PCDHGA2: variants seen among roughly 807,000 people sequenced by gnomAD.
The protein encoded by PCDHGA2 is protocadherin gamma subfamily A, 2.
A neutral mutation model predicts 59.2 loss-of-function variants in PCDHGA2; 40 were observed. That is an observed-to-expected ratio of 0.68 (90% CI 0.52 to 0.88). The LOEUF is 0.88. Among genes scored for constraint, PCDHGA2 ranks in the 40% least tolerant of loss-of-function variants. The probability of loss-of-function intolerance (pLI) is 0.00; values close to 1 mark genes in which losing one functional copy is unlikely to be tolerated. For synonymous variants in PCDHGA2, 560 were observed against 526.0 expected (o/e 1.06, Z -0.89); for missense variants, 1,226 against 1,204.0 (o/e 1.02, Z -0.27).
chr5:141,438,617 TATATATATATATATATATACACAC>T (rs1311176771), intron 1 of PCDHGA2, among the ~76,000 whole-genome samples: 58 of 37,154 alleles, frequency 1.6e-3, no homozygotes, highest in African/African-American at 7.8e-3. Flanking sequence ...TATATATATA[TATATATATATATATATATACACAC>T]ACACACACAC....
rs775426401 is a variant in PCDHGA2, at chr5:141,350,605, C to A, written c.2424+9210C>A. The A allele has an allele frequency of 1.2e-6, 2 of 1,613,998 alleles. No individual in the cohort carries two copies. The highest frequency in any genetic ancestry group is 1.7e-6 in the Non-Finnish European group (2 of 1,179,886). On this transcript the variant is annotated intron_variant, in intron 1 of 3. Coordinates refer to ENST00000394576, the MANE Select transcript of PCDHGA2 (RefSeq NM_018915.4). The stretch of plus-strand genomic sequence containing the variant: ...CTGAAAACCCAATGAATGTTTTCCA[C>A]GTGGTTGTTGTAATCCAAGATATTA...
chr5:141,349,868 G>C (rs1369681606), intron 1 of PCDHGA2, among the ~76,000 whole-genome samples: 2 of 152,122 alleles, frequency 1.3e-5, no homozygotes, highest in African/African-American at 2.4e-5. Context: ...AATACGAAAT[G>C]ATGAAGGCCC....
At chr5:141,478,625 T>A in intron 1 of PCDHGA2, 3 of 1,554,218 alleles carry the variant, frequency 1.9e-6, no homozygotes, top group Non-Finnish European at 2.6e-6. Context: ...ATGGAGCTGT[T>A]TTTTTAGTGA....
intron 1 of PCDHGA2, among the ~76,000 whole-genome samples, chr5:141,492,437 C>T (rs182333697): frequency 8.5e-5 from 13 of 152,332 alleles, no homozygotes; most frequent in Admixed American, 8.5e-4. Flanking sequence ...CAGGAGTACT[C>T]GTAGCTGATT....
intron 1 of PCDHGA2, among the ~76,000 whole-genome samples, chr5:141,437,093 C>T (rs1382920904): frequency 2.6e-5 from 4 of 152,136 alleles, no homozygotes; most frequent in East Asian, 1.9e-4. Flanking sequence ...TTGAAACTAA[C>T]GGCTTAGCTT....
At chr5:141,413,353 C>T (rs2095629361) in intron 1 of PCDHGA2, 2 of 1,613,844 alleles carry the variant, frequency 1.2e-6, no homozygotes, top group Middle Eastern at 1.6e-4. Context: ...GGGTCTGGCG[C>T]CCCGGGAGCT....
chr5:141,408,559 C>T (rs1490844526), intron 1 of PCDHGA2: 3 of 1,614,000 alleles, frequency 1.9e-6, no homozygotes, highest in Non-Finnish European at 2.5e-6. Flanking sequence ...TTTTTCATGT[C>T]ATTGTGGTGA....
In PCDHGA2 at chr5:141,383,002, G is replaced by A. The variant is rs376825891; in HGVS notation, c.2424+41607G>A. 8 of 1,613,766 alleles carry A rather than the reference G, an allele frequency of 5.0e-6. No individual in the cohort carries two copies. Among genetic ancestry groups the A allele is most frequent in the East Asian group, 2.2e-5 (1 of 44,884 alleles). On this transcript the variant is annotated intron_variant, in intron 1 of 3. Transcript: ENST00000394576. ...CTGGGCAGGACGTATTCTCTACTCC[G>A]TGTCGGAGGAGACGGACAAAGGGTC...
rs758181180 is a variant in PCDHGA2 at position 141,485,483 on chromosome 5, G to T, written c.2425-9324G>T. The T allele has an allele frequency of 1.9e-6, 3 of 1,614,106 alleles. No homozygotes were observed. The highest frequency in any genetic ancestry group is 2.5e-6 in the Non-Finnish European group (3 of 1,180,022). ...GTGTGGGCTCAGTGCCAGCTGCATC[G>T]TGCCCCTGGAGTTTGTCACCGAAGG... On this transcript the variant is annotated intron_variant, in intron 1 of 3. Coordinates refer to ENST00000394576, the MANE Select transcript of PCDHGA2 (RefSeq NM_018915.4). The surrounding 1 kb of genome is among the most constrained non-coding windows in gnomAD (Gnocchi z 5.7).
chr5:141,415,966 C>G, intron 1 of PCDHGA2: 1 of 405,604 alleles, frequency 2.5e-6, no homozygotes, highest in Non-Finnish European at 4.0e-6. Flanking sequence ...AAACTCCAGC[C>G]CCTTAAGCAA....
chr5:141,344,165 C>G, intron 1 of PCDHGA2: 2 of 1,614,030 alleles, frequency 1.2e-6, no homozygotes, highest in Non-Finnish European at 1.7e-6. Context: ...AAGGTTCCTT[C>G]GTGGGCAACA....
At chr5:141,351,774 C>T in intron 1 of PCDHGA2, 1 of 1,613,528 alleles carries the variant, frequency 6.2e-7, no homozygotes, top group East Asian at 2.2e-5. Context: ...TCCGTGAGCC[C>T]GCAGAGCGGG....
At chr5:141,422,009 G>C (rs1483710075) in intron 1 of PCDHGA2, 1 of 1,609,752 alleles carries the variant, frequency 6.2e-7, no homozygotes, top group Non-Finnish European at 8.5e-7. Flanking sequence ...TCCGGAACTC[G>C]GGTGCTGATG....
chr5:141,492,396 A>G (rs1400291073), intron 1 of PCDHGA2, among the ~76,000 whole-genome samples: 1 of 152,188 alleles, frequency 6.6e-6, no homozygotes, highest in Non-Finnish European at 1.5e-5. Flanking sequence ...GTCCACTCGC[A>G]GCTCCCCTCT....
intron 1 of PCDHGA2, chr5:141,352,094 C>A (rs775660078): frequency 3.1e-6 from 5 of 1,605,478 alleles, no homozygotes; most frequent in Admixed American, 3.4e-5. Context: ...CGAGCCCGGG[C>A]TCTTCAGCCT....
chr5:141,351,741 CGCGGGA>C, intron 1 of PCDHGA2: 1 of 1,613,684 alleles, frequency 6.2e-7, no homozygotes, highest in East Asian at 2.2e-5. Context: ...GACCTGGAGC[CGCGGGA>C]GCTGTTGTCC....
At position 141,351,935 on chromosome 5, in the gene PCDHGA2, C is replaced by T. The variant is rs766333279; in HGVS notation, c.2424+10540C>T. 6 of 1,613,256 alleles carry T rather than the reference C, an allele frequency of 3.7e-6. 1 individual carries two copies. The South Asian group carries it at 5.5e-5, about 15-fold the overall frequency. ...CCTCAATGACAATGCGCCACGGGTG[C>T]TGTACCCCGCGCTGGGGCCTGATGG... On this transcript the variant is annotated intron_variant, in intron 1 of 3. Coordinates refer to ENST00000394576, the MANE Select transcript of PCDHGA2 (RefSeq NM_018915.4).
At position 141,422,383 on chromosome 5, in the gene PCDHGA2, T is replaced by C. The variant is rs201301291; in HGVS notation, c.2425-72424T>C. On this transcript the variant is annotated intron_variant, in intron 1 of 3. Transcript: ENST00000394576. ...TGGAGAAAATGGTCAAGTCTCCTGT[T>C]TTATTCCTAACCACCTGCCTTTTAA... 554 of 1,586,008 alleles carry C rather than the reference T, an allele frequency of 3.5e-4. 2 individuals are homozygous for C. The African/African-American group carries it at 6.9e-3, about 20-fold the overall frequency.
In PCDHGA2 at chr5:141,505,363, T is replaced by C. The variant is rs751635403; in HGVS notation, c.2484-30T>C. 1.6e-5 allele frequency: 26 copies of C among 1,613,242 alleles called. No individual in the cohort carries two copies. In the Middle Eastern group the frequency reaches 9.9e-4, roughly 61 times the overall value. On this transcript the variant is annotated intron_variant, in intron 2 of 3. Transcript: ENST00000394576. ...GGCATGAGCTGTGCCGGCCTGGGAG[T>C]CTGTGCTCACCATCCTACTCTCTCC... is the stretch of plus-strand genomic sequence containing the variant.
Sources: gnomAD v4.1 joint callset for allele counts (sites outside exome capture counted in the v4.1 genomes callset) on GRCh38, gnomAD v4.1.1 for gene constraint, Gnocchi (gnomAD v3.1) non-coding constraint, MANE v1.5 for transcripts, NCBI Gene and HGNC (gene_info 2026-07-23, HGNC 2026-07-21) for gene names.